KHDRBS2: variants seen among roughly 807,000 people sequenced by gnomAD.
The protein encoded by KHDRBS2 is KH RNA binding domain containing, signal transduction associated 2.
KHDRBS2 carries 26 observed loss-of-function variants against 44.3 expected under a neutral mutation model. The ratio of observed to expected loss-of-function variants is 0.59; its 90% CI spans 0.43 to 0.81. The LOEUF (loss-of-function observed/expected upper bound fraction) is 0.81. Among genes scored for constraint, KHDRBS2 ranks in the 40% least tolerant of loss-of-function variants. KHDRBS2 has a pLI of 0.00. For synonymous variants in KHDRBS2, 194 were observed against 151.1 expected, an observed-to-expected ratio of 1.28 and a Z score of -2.08; for missense variants, 476 against 433.1, an observed-to-expected ratio of 1.10 and a Z score of -0.88.
chr6:61,772,185 T>C, intron 6 of KHDRBS2, among the ~76,000 whole-genome samples: 1 of 152,092 alleles, frequency 6.6e-6, no homozygotes, highest in Admixed American at 6.6e-5. Flanking sequence ...TAGAGGGAAA[T>C]TTATAGCACG....
the KHDRBS2 span, among the ~76,000 whole-genome samples, chr6:61,563,589 A>G: frequency 6.6e-6 from 1 of 152,092 alleles, no homozygotes; most frequent in African/African-American, 2.4e-5. Flanking sequence ...AGGTACAGGC[A>G]TTACAAATAA....
At chr6:61,906,059 G>C (rs1804954575) in intron 4 of KHDRBS2, among the ~76,000 whole-genome samples, 1 of 151,834 alleles carries the variant, frequency 6.6e-6, no homozygotes, top group African/African-American at 2.4e-5. Flanking sequence ...TCTTGGCCAG[G>C]CTGGTCTTGA....
chr6:62,260,893 A>T (rs1289010888), intron 1 of KHDRBS2, among the ~76,000 whole-genome samples: 1 of 151,988 alleles, frequency 6.6e-6, no homozygotes, highest in Admixed American at 6.6e-5. Context: ...TAACAAAATC[A>T]TAATTTAATA....
chr6:62,114,587 G>T (rs545774595), intron 2 of KHDRBS2, among the ~76,000 whole-genome samples: 1 of 152,068 alleles, frequency 6.6e-6, no homozygotes, highest in African/African-American at 2.4e-5. Context: ...TGATCTAAGT[G>T]ATGGGAGGCA....
At chr6:61,612,288 T>C in the KHDRBS2 span, among the ~76,000 whole-genome samples, 4 of 152,182 alleles carry the variant, frequency 2.6e-5, no homozygotes, top group Admixed American at 6.5e-5. Context: ...GCACTGAACA[T>C]GGAAAGCTCA....
At chr6:61,786,673 T>C (rs1346825427) in intron 6 of KHDRBS2, among the ~76,000 whole-genome samples, 4 of 151,954 alleles carry the variant, frequency 2.6e-5, no homozygotes, top group African/African-American at 9.7e-5. Context: ...AATAATTCTA[T>C]ATTGGTGGGT....
chr6:61,774,288 C>A (rs1186349165), intron 6 of KHDRBS2, among the ~76,000 whole-genome samples: 3 of 152,150 alleles, frequency 2.0e-5, no homozygotes, highest in Admixed American at 6.6e-5. Flanking sequence ...ATGGAATGTT[C>A]TTCCATCTGT....
chr6:62,203,821 C>T (rs949423379), intron 1 of KHDRBS2, among the ~76,000 whole-genome samples: 1 of 152,120 alleles, frequency 6.6e-6, no homozygotes, highest in African/African-American at 2.4e-5. Context: ...TGATGTTTGT[C>T]CTCCCGAACA....
intron 1 of KHDRBS2, among the ~76,000 whole-genome samples, chr6:62,205,340 T>C (rs1389437313): frequency 6.6e-6 from 1 of 152,172 alleles, no homozygotes; most frequent in African/African-American, 2.4e-5. Context: ...TATTTATAGT[T>C]CTTGACAGTA....
chr6:61,584,987 A>G, the KHDRBS2 span, among the ~76,000 whole-genome samples: 23 of 152,112 alleles, frequency 1.5e-4, no homozygotes, highest in East Asian at 2.5e-3. Context: ...GTGTAAATTT[A>G]TACCAAAATT....
chr6:61,799,283 A>T (rs1347202028), intron 6 of KHDRBS2, among the ~76,000 whole-genome samples: 1 of 152,026 alleles, frequency 6.6e-6, no homozygotes. Flanking sequence ...AGGGCTTTTC[A>T]TTGCAGATTC....
chr6:61,954,978 G>GTGTA (rs1766182620), intron 4 of KHDRBS2, among the ~76,000 whole-genome samples: 2 of 78,774 alleles, frequency 2.5e-5, no homozygotes, highest in Non-Finnish European at 4.8e-5. Context: ...GCATACATAT[G>GTGTA]TATGTGTATA....
chr6:61,956,904 T>TTCATCATCATCATCATCA (rs113300633), intron 4 of KHDRBS2, among the ~76,000 whole-genome samples: 31 of 148,420 alleles, frequency 2.1e-4, no homozygotes, highest in South Asian at 1.8e-3. Context: ...GTTATTGGTT[T>TTCATCATCATCATCATCA]TCATCATCAT....
rs1450665406 is a variant in KHDRBS2 at position 61,829,907 on chromosome 6, G to A, written c.810+64728C>T. ...CAACTGCAAAGCAACATGCAGATAG[G>A]AGACACATTTAAAAACCCACTTTTT... On this transcript the variant is annotated intron_variant, in intron 6 of 8. Coordinates refer to ENST00000281156, the MANE Select transcript of KHDRBS2 (RefSeq NM_152688.4). Among the ~76,000 whole-genome samples the A allele has an allele frequency of 4.6e-5, 7 of 152,152 alleles. No individual in the cohort carries two copies. In the South Asian group the frequency reaches 1.0e-3, roughly 23 times the overall value.
the KHDRBS2 span, among the ~76,000 whole-genome samples, chr6:61,641,155 G>T: frequency 1.3e-5 from 2 of 152,030 alleles, no homozygotes. Context: ...TTTTCCTATG[G>T]ATTACTTCAG....
chr6:61,718,617 G>A (rs2127554140), intron 7 of KHDRBS2, among the ~76,000 whole-genome samples: 1 of 152,160 alleles, frequency 6.6e-6, no homozygotes, highest in East Asian at 1.9e-4. Flanking sequence ...TAGGAGACTG[G>A]CAGGAGAAAG....
intron 1 of KHDRBS2, among the ~76,000 whole-genome samples, chr6:62,267,559 T>C (rs1167294559): frequency 6.6e-6 from 1 of 152,044 alleles, no homozygotes; most frequent in African/African-American, 2.4e-5. Flanking sequence ...ATCAATGATA[T>C]AATAATAACA....
chr6:62,126,773 CCTTTT>C (rs1275842086), intron 2 of KHDRBS2, among the ~76,000 whole-genome samples: 10 of 152,280 alleles, frequency 6.6e-5, no homozygotes, highest in Admixed American at 1.3e-4. Flanking sequence ...ACAGATCTCT[CCTTTT>C]CTTATTTTAT....
At chr6:61,849,054 C>T (rs1343174404) in intron 6 of KHDRBS2, among the ~76,000 whole-genome samples, 2 of 152,036 alleles carry the variant, frequency 1.3e-5, no homozygotes, top group African/African-American at 2.4e-5. Context: ...GTTCATTTCA[C>T]TGTTTTCTCC....
Sources: gnomAD v4.1 joint callset for allele counts (sites outside exome capture counted in the v4.1 genomes callset) on GRCh38, gnomAD v4.1.1 for gene constraint, MANE v1.5 for transcripts, NCBI Gene and HGNC (gene_info 2026-07-23, HGNC 2026-07-21) for gene names.